The following TECPR1 variants were observed in gnomAD, a reference collection of about 807,000 sequenced individuals.
TECPR1 encodes the protein tectonin beta-propeller repeat-containing protein 1.
Under a neutral mutation model 162.4 loss-of-function variants are expected in TECPR1, and 122 were observed. That is an observed-to-expected ratio of 0.75 (90% CI 0.65 to 0.87). The LOEUF is 0.87. Ranked by LOEUF, TECPR1 falls within the 40% of genes least tolerant of loss-of-function variation. TECPR1 has a pLI of 0.00. For missense variants in TECPR1, 1,432 were observed against 1,618.2 expected, an observed-to-expected ratio of 0.88 and a Z score of 1.97; for synonymous variants, 642 against 670.6, an observed-to-expected ratio of 0.96 and a Z score of 0.66.
intron 2 of TECPR1, among the ~76,000 whole-genome samples, chr7:98,249,424 A>T (rs1182129783): frequency 6.6e-6 from 1 of 152,136 alleles, no homozygotes; most frequent in African/African-American, 2.4e-5. Context: ...CCCGTCAAAC[A>T]TATGAGAAAA....
At position 98,241,050 on chromosome 7, in the gene TECPR1, G is replaced by T. The variant is rs776676483; in HGVS notation, c.832+20C>A. On this transcript the variant is annotated intron_variant, in intron 7 of 25. Transcript: ENST00000447648. This position sits in a 1 kb window ranked among gnomAD's most constrained non-coding sequence, Gnocchi z 5.0. ...TCTCCCCAGTACAGGGTATGTGGGT[G>T]GGGGAGCCGGGCTGCCCACCTTTGG... 1.9e-6 allele frequency: 3 copies of T among 1,594,682 alleles called. No individual in the cohort carries two copies. Among genetic ancestry groups the T allele is most frequent in the Non-Finnish European group, 8.5e-7 (1 of 1,169,996 alleles).
intron 17 of TECPR1, 128 bp downstream of exon 17, chr7:98,227,886 G>T: frequency 8.7e-6 from 5 of 573,602 alleles, no homozygotes; most frequent in Non-Finnish European, 1.3e-5. Context: ...GATCCGGTTA[G>T]TTTCCTGCTG....
chr7:98,243,408 C>G (rs1450291852), intron 6 of TECPR1, 59 bp downstream of exon 6: 1 of 1,602,438 alleles, frequency 6.2e-7, no homozygotes, highest in Non-Finnish European at 8.5e-7. Flanking sequence ...GTGCACAGGA[C>G]AGGACCCACA....
Position 98,227,891 on chromosome 7 carries a change from C to G in TECPR1, c.2513+123G>C, listed in dbSNP as rs374500471. 1.0e-5 allele frequency: 7 copies of G among 668,244 alleles called. 1 individual carries two copies. In the Middle Eastern group the frequency reaches 1.4e-3, roughly 138 times the overall value. The allele number at this position is 668,244 out of a possible 1,614,324, so 41.4% of individuals were successfully genotyped here. On this transcript the variant is annotated intron_variant, in intron 17 of 25. Coordinates refer to ENST00000447648, the MANE Select transcript of TECPR1 (RefSeq NM_015395.3). ...TGAGCGGTAAGATCCGGTTAGTTTC[C>G]TGCTGGCGGCCTGACACCAGGCTCT...
At chr7:98,236,051 C>G (rs532731778) in intron 10 of TECPR1, among the ~76,000 whole-genome samples, 30 of 152,248 alleles carry the variant, frequency 2.0e-4, no homozygotes, top group African/African-American at 7.2e-4. Flanking sequence ...GCCCTGAGCG[C>G]CATCTCCATC....
intron 19 of TECPR1, 118 bp from the exon 20 acceptor site, chr7:98,223,836 T>TA: frequency 9.0e-7 from 1 of 1,116,756 alleles, no homozygotes. Context: ...GTGGAAGCCA[T>TA]GGATGGGGTT....
chr7:98,247,006 T>G (rs1249378232), intron 2 of TECPR1, among the ~76,000 whole-genome samples: 1 of 151,590 alleles, frequency 6.6e-6, no homozygotes, highest in Non-Finnish European at 1.5e-5. Flanking sequence ...GGCACAGTAG[T>G]GTGTGCCTGT....
At chr7:98,229,256 G>A (rs1798359053) in intron 15 of TECPR1, 90 bp from the exon 16 acceptor site, 2 of 1,477,624 alleles carry the variant, frequency 1.4e-6, no homozygotes, top group Non-Finnish European at 1.8e-6. Context: ...TCCTCCTGTG[G>A]TTCTGGGATT....
Position 98,215,603 on chromosome 7 carries a change from C to A in TECPR1, c.*1787G>T, listed in dbSNP as rs1215984740. 1.3e-5 allele frequency: 2 copies of A among 152,290 alleles called. No individual in the cohort carries two copies. Among genetic ancestry groups the A allele is most frequent in the African/African-American group, 4.8e-5 (2 of 41,476 alleles). 9.4% of individuals were successfully genotyped at this position (152,290 alleles called of 1,614,324 possible). ...GGTGCTCAGCAGCGAGAGGACGCGT[C>A]ACTCTGCCGTTCTGCAGGGTGACGC... On this transcript the variant is annotated 3_prime_UTR_variant, in exon 26 of 26. Transcript: ENST00000447648.
rs1798485732 is a variant in TECPR1 at position 98,232,950 on chromosome 7, C to A, written c.1695G>T (p.Met565Ile). Residue 565 changes from methionine to isoleucine, a missense_variant, in exon 12 of 26, where the codon ATG becomes ATT. Coordinates refer to ENST00000447648, the MANE Select transcript of TECPR1 (RefSeq NM_015395.3). This position sits in a 1 kb window ranked among gnomAD's most constrained non-coding sequence, Gnocchi z 4.6. ...VQAGLSSSVH[M>I]LSLSITPAQT... is the part of the protein sequence containing the mutation. ...GGGCCGGCGTGATGGACAGGGACAGCATGTGTACCGAGGAGGACAGGCCTG... is the reference window on the plus strand; with the variant it reads ...GGGCCGGCGTGATGGACAGGGACAGAATGTGTACCGAGGAGGACAGGCCTG... The A allele has an allele frequency of 1.2e-6, 2 of 1,612,252 alleles. No homozygotes were observed. The highest frequency in any genetic ancestry group is 1.7e-5 in the Admixed American group (1 of 59,974).
intron 10 of TECPR1, among the ~76,000 whole-genome samples, chr7:98,235,849 A>ACAC (rs1554401445): frequency 2.7e-4 from 30 of 110,328 alleles, no homozygotes; most frequent in African/African-American, 7.7e-4. Context: ...AAAAAAAAAA[A>ACAC]AACACCATCT....
Position 98,244,920 on chromosome 7 carries a change from C to A in TECPR1, c.373G>T (p.Asp125Tyr). Residue 125 changes from aspartate to tyrosine, a missense_variant, in exon 4 of 26, where the codon GAT becomes TAT. Physicochemically the swap from Asp to Tyr is radical, Grantham distance 160. Coordinates refer to ENST00000447648, the MANE Select transcript of TECPR1 (RefSeq NM_015395.3). ...GTGGGTTCACCTCCAAAATTCTCAT[C>A]CACGTACCAGTCAGACTCCCACTCC... ...HWEWESDWYV[D>Y]ENFGGEPTEK... The A allele has an allele frequency of 1.2e-6, 2 of 1,613,120 alleles. No homozygotes were observed. The highest frequency in any genetic ancestry group is 1.7e-6 in the Non-Finnish European group (2 of 1,179,866).
intron 13 of TECPR1, 81 bp downstream of exon 13, chr7:98,231,723 C>T (rs1798446330): frequency 3.3e-6 from 5 of 1,522,958 alleles, no homozygotes; most frequent in Non-Finnish European, 4.5e-6. Context: ...CCCCTGGGCA[C>T]CCCCATTTCT....
At position 98,217,297 on chromosome 7, in the gene TECPR1, T is replaced by C. The variant is rs1477059486; in HGVS notation, c.*93A>G. ...CCCTCCTGAGTCCACCTGGGCCACA[T>C]TGCTCCCACGGTGCACACTCCAGCA... On this transcript the variant is annotated 3_prime_UTR_variant, in exon 26 of 26. Transcript: ENST00000447648. The C allele has an allele frequency of 4.6e-6, 4 of 865,692 alleles. No individual in the cohort carries two copies. The highest frequency in any genetic ancestry group is 6.9e-6 in the Non-Finnish European group (4 of 575,948). The allele number at this position is 865,692 out of a possible 1,614,324, so 53.6% of individuals were successfully genotyped here. A position where few individuals can be genotyped will look rare whatever the true frequency, so the allele number is the denominator to read the frequency against.
In TECPR1 at chr7:98,245,951, G is replaced by A. The variant is rs368321640; in HGVS notation, c.196C>T (p.Arg66Cys). ...VYVCASDVPIRRREEAYENQR... is the reference protein window; with the variant it reads ...VYVCASDVPICRREEAYENQR... The stretch of plus-strand genomic sequence containing the variant: ...TTCTCATAGGCCTCCTCTCGGCGGC[G>A]GATGGGGACATCGCTGGCACACACA... Residue 66 changes from arginine (R) to cysteine (C), a missense_variant, in exon 3 of 26, where the codon CGC (arginine) becomes TGC (cysteine). Transcript: ENST00000447648. The A allele has an allele frequency of 8.7e-6, 14 of 1,604,854 alleles. No homozygotes were observed. Among genetic ancestry groups the A allele is most frequent in the Middle Eastern group, 1.6e-4 (1 of 6,076 alleles).
In TECPR1 at chr7:98,226,525, G is replaced by A. The variant is rs959708280; in HGVS notation, c.2514-1423C>T. ...CACGGACACACAGTATGGCTGGAAG[G>A]CCACACCCCACATGCTAATTGCAGT... On this transcript the variant is annotated intron_variant, in intron 17 of 25. Coordinates refer to ENST00000447648, the MANE Select transcript of TECPR1 (RefSeq NM_015395.3). 14 of 1,039,172 alleles carry A rather than the reference G, an allele frequency of 1.3e-5. No homozygotes were observed. The African/African-American group carries it at 2.0e-4, about 15-fold the overall frequency. The allele number at this position is 1,039,172 out of a possible 1,614,324, so 64.4% of individuals were successfully genotyped here. A position where few individuals can be genotyped will look rare whatever the true frequency, so the allele number is the denominator to read the frequency against.
Position 98,217,995 on chromosome 7 carries a change from A to C in TECPR1, c.3205T>G (p.Ser1069Ala). The C allele has an allele frequency of 6.4e-7, 1 of 1,567,948 alleles. No homozygotes were observed. The highest frequency in any genetic ancestry group is 8.6e-7 in the Non-Finnish European group (1 of 1,156,898). The change falls in exon 24 of 26, where the codon TCC becomes GCC. Residue 1069 changes from serine (S) to alanine (A), a missense_variant. Coordinates refer to ENST00000447648, the MANE Select transcript of TECPR1 (RefSeq NM_015395.3). Reference protein sequence around the residue: ...QGITPSYPQGSSWEHVSNNVC... With the variant: ...QGITPSYPQGASWEHVSNNVC... ...TTGTTGGACACGTGCTCCCAGCTGG[A>C]GCCCTGCGGGTAGCTGGGCGTGATC... is the stretch of plus-strand genomic sequence containing the variant.
rs562976025 is a variant in TECPR1, at chr7:98,217,765, C to A, written c.3311G>T (p.Arg1104Leu). Residue 1104 changes from arginine to leucine, a missense_variant, in exon 25 of 26, where the codon CGG (arginine) becomes CTG (leucine). By Grantham distance (102) the Arg-to-Leu change is moderately radical. Transcript: ENST00000447648. ...GCCGGTGCGATGACACACTGTCCCC[C>A]GGCTCAGGCTGTGGCTGCCCTGCAC... ...NKVQGSHSLS[R>L]GTVCHRTGVQ... 6 of 1,550,920 alleles carry A rather than the reference C, an allele frequency of 3.9e-6. No homozygotes were observed. In the East Asian group the frequency reaches 7.3e-5, roughly 19 times the overall value.
Position 98,222,424 on chromosome 7 carries a change from G to C in TECPR1, c.3026C>G (p.Ala1009Gly). Residue 1009 changes from alanine (A) to glycine (G), a missense_variant, in exon 22 of 26, where the codon GCC (alanine) becomes GGC (glycine). Coordinates refer to ENST00000447648, the MANE Select transcript of TECPR1 (RefSeq NM_015395.3). Reference sequence around the variant, plus strand: ...GGGGTACACGGATCCCCGGTAGAAGGCGGAGCCGTCCCTTGCCACGGCCCA... The same window carrying C: ...GGGGTACACGGATCCCCGGTAGAAGCCGGAGCCGTCCCTTGCCACGGCCCA... ...QVWAVARDGS[A>G]FYRGSVYPSQ... The C allele has an allele frequency of 1.9e-6, 3 of 1,597,164 alleles. No individual in the cohort carries two copies. The highest frequency in any genetic ancestry group is 2.6e-6 in the Non-Finnish European group (3 of 1,172,922).
Sources: allele counts gnomAD v4.1 joint callset (sites outside exome capture counted in the v4.1 genomes callset), GRCh38; gene constraint gnomAD v4.1.1; non-coding constraint Gnocchi (gnomAD v3.1); transcripts MANE v1.5; gene names NCBI Gene and HGNC (gene_info 2026-07-23, HGNC 2026-07-21).